IFIT1B: variants seen among roughly 807,000 people sequenced by gnomAD.
IFIT1B encodes protein IFIT1 homolog B.
A neutral mutation model predicts 2.5 loss-of-function variants in IFIT1B; 3 were observed. The observed-to-expected ratio is 1.21, with a 90% confidence interval of 0.55 to 3.14. The LOEUF (loss-of-function observed/expected upper bound fraction) is 3.14. Among genes scored for constraint, IFIT1B ranks in the 30% most tolerant of loss-of-function variants. The probability of loss-of-function intolerance (pLI) is 0.03; values close to 1 mark genes in which losing one functional copy is unlikely to be tolerated. For missense variants in IFIT1B, 545 were observed against 556.5 expected (o/e 0.98, Z 0.21); for synonymous variants, 196 against 203.0 (o/e 0.97, Z 0.29).
chr10:89,379,863 C>T (rs1844149587), intron 1 of IFIT1B, among the ~76,000 whole-genome samples: 2 of 151,994 alleles, frequency 1.3e-5, no homozygotes, highest in Non-Finnish European at 1.5e-5. Flanking sequence ...TGAAACCCCG[C>T]CTCTTCTAAA....
rs778431951 is a variant in IFIT1B at position 89,383,514 on chromosome 10, G to A, written c.201G>A (p.Gln67=). 1.1e-5 allele frequency: 18 copies of A among 1,614,086 alleles called. No homozygotes were observed. In the African/African-American group the frequency reaches 2.3e-4, roughly 20 times the overall value. Residue 67 remains glutamine (Q), a synonymous_variant, in exon 2 of 2, where the codon CAG becomes CAA. Transcript: ENST00000371809. ...CCTATGTGAAACACCTGAAAGGCCA[G>A]AATGAGGAAGCCCTGGTCAGCTTGA... ...LLAYVKHLKG[Q]NEEALVSLKK...
chr10:89,382,927 C>A (rs1229142531), intron 1 of IFIT1B, among the ~76,000 whole-genome samples: 1 of 152,212 alleles, frequency 6.6e-6, no homozygotes, highest in African/African-American at 2.4e-5. Context: ...AGTAAGGAAC[C>A]CACCTTTCTG....
chr10:89,381,767 T>C (rs959725420), intron 1 of IFIT1B, among the ~76,000 whole-genome samples: 3 of 152,052 alleles, frequency 2.0e-5, no homozygotes, highest in Non-Finnish European at 4.4e-5. Flanking sequence ...TCTTCCTTTC[T>C]TTCCTTTCCT....
chr10:89,383,349 C>T lies in IFIT1B; in HGVS notation c.36C>T (p.Asp12=), dbSNP rs1040408455. The change falls in exon 2 of 2, where the codon GAC becomes GAT. Residue 12 remains aspartate (D), a synonymous_variant. Coordinates refer to ENST00000371809, the MANE Select transcript of IFIT1B (RefSeq NM_001010987.2). ...AATCTGATGGAAAGCTTATTGAAGACAGCCTGATTCAGCTGAGATGTCACT... is the reference window on the plus strand; with the variant it reads ...AATCTGATGGAAAGCTTATTGAAGATAGCCTGATTCAGCTGAGATGTCACT... ...SEESDGKLIE[D]SLIQLRCHFT... is the part of the protein sequence containing the mutation. 1.2e-6 allele frequency: 2 copies of T among 1,613,664 alleles called. No individual in the cohort carries two copies. The highest frequency in any genetic ancestry group is 2.7e-5 in the African/African-American group (2 of 74,898).
chr10:89,378,625 C>T (rs144268002), intron 1 of IFIT1B, among the ~76,000 whole-genome samples: 1 of 152,298 alleles, frequency 6.6e-6, no homozygotes, highest in East Asian at 1.9e-4. Context: ...CCCCAGTGGG[C>T]CAACCCCAGT....
In IFIT1B at chr10:89,383,884, T is replaced by C. The variant is rs760763316; in HGVS notation, c.571T>C (p.Phe191Leu). 1.4e-5 allele frequency: 23 copies of C among 1,614,016 alleles called. No individual in the cohort carries two copies. Among genetic ancestry groups the C allele is most frequent in the Admixed American group, 1.7e-5 (1 of 59,994 alleles). Residue 191 changes from phenylalanine (F) to leucine (L), a missense_variant, in exon 2 of 2, where the codon TTT (phenylalanine) becomes CTT (leucine). Physicochemically the swap from Phe to Leu is conservative, Grantham distance 22 (BLOSUM62 0). Coordinates refer to ENST00000371809, the MANE Select transcript of IFIT1B (RefSeq NM_001010987.2). ...YAITVYRLDKFNTASGRNKAF... is the reference protein window; with the variant it reads ...YAITVYRLDKLNTASGRNKAF... ...AATCACCGTCTATCGCCTGGATAAA[T>C]TTAACACAGCATCAGGGAGGAATAA...
intron 1 of IFIT1B, among the ~76,000 whole-genome samples, chr10:89,378,722 A>G (rs747803617): frequency 8.5e-5 from 13 of 152,240 alleles, no homozygotes; most frequent in Non-Finnish European, 1.6e-4. Flanking sequence ...AATGTAGGAA[A>G]GTAGATTCAG....
Position 89,384,703 on chromosome 10 carries a change from C to G in IFIT1B, c.1390C>G (p.Leu464Val). The G allele has an allele frequency of 6.2e-7, 1 of 1,613,818 alleles. No individual in the cohort carries two copies. The highest frequency in any genetic ancestry group is 1.1e-5 in the South Asian group (1 of 91,028). The change falls in exon 2 of 2, where the codon CTG becomes GTG. Residue 464 changes from leucine to valine, a missense_variant. Transcript: ENST00000371809. ...SDALLCYERALRLAADLNPIF is the reference protein window; with the variant it reads ...SDALLCYERAVRLAADLNPIF ...TGCTTTGCTGTGCTATGAGAGGGCT[C>G]TGAGGCTGGCTGCTGACCTGAACCC...
intron 1 of IFIT1B, among the ~76,000 whole-genome samples, chr10:89,380,401 G>C (rs1453822408): frequency 6.6e-6 from 1 of 151,882 alleles, no homozygotes; most frequent in African/African-American, 2.4e-5. Flanking sequence ...CAGGCATACA[G>C]GGATTAGGTC....
intron 1 of IFIT1B, among the ~76,000 whole-genome samples, chr10:89,378,514 G>T (rs1844138990): frequency 6.6e-6 from 1 of 152,150 alleles, no homozygotes; most frequent in Admixed American, 6.5e-5. Flanking sequence ...GAGGCCTTTG[G>T]TGAAAAAATC....
Position 89,384,540 on chromosome 10 carries a change from A to G in IFIT1B, c.1227A>G (p.Glu409=), listed in dbSNP as rs753843522. The part of the protein sequence containing the change: ...ITHYLKGLKI[E]KMSHSREKLL... ...ATTATTTAAAAGGTTTGAAAATAGA[A>G]AAAATGTCCCATTCCAGGGAAAAAC... is the stretch of plus-strand genomic sequence containing the variant. Residue 409 remains glutamate, a synonymous_variant, in exon 2 of 2, where the codon GAA becomes GAG. Transcript: ENST00000371809. 16 of 1,614,012 alleles carry G rather than the reference A, an allele frequency of 9.9e-6. No homozygotes were observed. In the Admixed American group the frequency reaches 1.3e-4, roughly 13 times the overall value.
At chr10:89,380,724 C>T (rs1034357149) in intron 1 of IFIT1B, among the ~76,000 whole-genome samples, 6 of 152,310 alleles carry the variant, frequency 3.9e-5, no homozygotes, top group South Asian at 2.1e-4. Flanking sequence ...TTAGCCACCA[C>T]GCTGGGGCCT....
Position 89,383,241 on chromosome 10 carries a change from C to G in IFIT1B, c.6-78C>G, listed in dbSNP as rs1844176411. 4 of 1,262,318 alleles carry G rather than the reference C, an allele frequency of 3.2e-6. No individual in the cohort carries two copies. In the East Asian group the frequency reaches 9.4e-5, roughly 30 times the overall value. The allele number at this position is 1,262,318 out of a possible 1,614,324, so 78.2% of individuals were successfully genotyped here. On this transcript the variant is annotated intron_variant, in intron 1 of 1. Coordinates refer to ENST00000371809, the MANE Select transcript of IFIT1B (RefSeq NM_001010987.2). ...GGAAATTAGGATAGAGCATATTTGA[C>G]TATTTGAAGTGCTGGCTTCATTTTC...
Position 89,378,109 on chromosome 10 carries a change from C to T in IFIT1B, c.-27C>T, listed in dbSNP as rs1844135736. On this transcript the variant is annotated 5_prime_UTR_variant, in exon 1 of 2. Transcript: ENST00000371809. ...CCTCCAAGCCTGAACCAAAGCACTA[C>T]AGATCACCTGCTATCTTCATAGCAC... 2 of 1,613,518 alleles carry T rather than the reference C, an allele frequency of 1.2e-6. No homozygotes were observed. Among genetic ancestry groups the T allele is most frequent in the South Asian group, 1.1e-5 (1 of 91,074 alleles).
intron 1 of IFIT1B, among the ~76,000 whole-genome samples, chr10:89,380,163 G>A (rs1295753309): frequency 1.3e-5 from 2 of 152,194 alleles, no homozygotes; most frequent in Non-Finnish European, 1.5e-5. Flanking sequence ...CTGGGCGTAT[G>A]TTTCTAGAAG....
At chr10:89,382,218 G>C (rs1412862674) in intron 1 of IFIT1B, among the ~76,000 whole-genome samples, 4 of 152,154 alleles carry the variant, frequency 2.6e-5, no homozygotes, top group Admixed American at 6.5e-5. Flanking sequence ...GCCATATAGA[G>C]AGTAAGAGAA....
At chr10:89,382,795 G>T (rs1324763856) in intron 1 of IFIT1B, among the ~76,000 whole-genome samples, 2 of 152,214 alleles carry the variant, frequency 1.3e-5, no homozygotes, top group Non-Finnish European at 2.9e-5. Flanking sequence ...CTCCAACCTG[G>T]CTTGAGCATT....
intron 1 of IFIT1B, among the ~76,000 whole-genome samples, chr10:89,378,495 G>A (rs139935818): frequency 1.5e-3 from 221 of 152,242 alleles, no homozygotes; most frequent in African/African-American, 5.0e-3. Flanking sequence ...TAGGGGAGGG[G>A]CTTCTCAAGA....
chr10:89,378,285 G>A lies in IFIT1B; in HGVS notation c.5+145G>A, dbSNP rs1844137188. ...TGACCCTGATAGGCACCCTCAACATGATAACCAAGAAGAGTTTAATAAGGG... is the reference window on the plus strand; with the variant it reads ...TGACCCTGATAGGCACCCTCAACATAATAACCAAGAAGAGTTTAATAAGGG... On this transcript the variant is annotated intron_variant, in intron 1 of 1. Coordinates refer to ENST00000371809, the MANE Select transcript of IFIT1B (RefSeq NM_001010987.2). 5.3e-6 allele frequency: 4 copies of A among 757,104 alleles called. No individual in the cohort carries two copies. The Admixed American group carries it at 8.5e-5, about 16-fold the overall frequency. The allele number at this position is 757,104 out of a possible 1,614,324, so 46.9% of individuals were successfully genotyped here. A position where few individuals can be genotyped will look rare whatever the true frequency, so the allele number is the denominator to read the frequency against.
Sources: allele counts gnomAD v4.1 joint callset (sites outside exome capture counted in the v4.1 genomes callset), GRCh38; gene constraint gnomAD v4.1.1; transcripts MANE v1.5; gene names NCBI Gene and HGNC (gene_info 2026-07-23, HGNC 2026-07-21).